Variants in DENND1A observed in about 807,000 individuals in gnomAD.
The protein encoded by DENND1A is DENN domain-containing protein 1A.
A neutral mutation model predicts 113.7 loss-of-function variants in DENND1A; 51 were observed. The ratio of observed to expected loss-of-function variants is 0.45; its 90% CI spans 0.36 to 0.57. The LOEUF (loss-of-function observed/expected upper bound fraction) is 0.57, where lower values mean the gene tolerates loss of function less well. Among genes scored for constraint, DENND1A ranks in the 20% least tolerant of loss-of-function variants. The probability of loss-of-function intolerance (pLI) is 0.00; values close to 1 mark genes in which losing one functional copy is unlikely to be tolerated. For missense variants in DENND1A, 1,258 were observed against 1,395.9 expected, an observed-to-expected ratio of 0.90 and a Z score of 1.57; for synonymous variants, 565 against 570.8, an observed-to-expected ratio of 0.99 and a Z score of 0.14.
At chr9:123,656,949 A>C (rs1325923450) in intron 8 of DENND1A, among the ~76,000 whole-genome samples, 2 of 152,202 alleles carry the variant, frequency 1.3e-5, no homozygotes, top group Non-Finnish European at 2.9e-5. Flanking sequence ...TCAGTTACAC[A>C]TACATTTATG....
In DENND1A at chr9:123,380,091, T is replaced by C. The variant is rs2042199752; in HGVS notation, c.*1341A>G. 6.6e-6 allele frequency: 1 copy of C among 152,170 alleles called. No homozygotes were observed. 9.4% of individuals were successfully genotyped at this position (152,170 alleles called of 1,614,324 possible). ...CATAGAGGGGGCTCCCTGGGTGACA[T>C]CTCCAGAGACCCCCTTGTCCCCCAG... On this transcript the variant is annotated 3_prime_UTR_variant, in exon 24 of 24. Transcript: ENST00000394215.
intron 19 of DENND1A, among the ~76,000 whole-genome samples, chr9:123,426,929 G>A (rs2045778797): frequency 6.6e-6 from 1 of 152,162 alleles, no homozygotes; most frequent in Non-Finnish European, 1.5e-5. Flanking sequence ...ACAGCCTGAA[G>A]AAGATGCACA....
intron 13 of DENND1A, among the ~76,000 whole-genome samples, chr9:123,505,314 T>C (rs1186087403): frequency 6.6e-6 from 1 of 152,262 alleles, no homozygotes; most frequent in Non-Finnish European, 1.5e-5. Context: ...ATAGTGGAGA[T>C]GTAAACAGAT....
At chr9:123,502,231 A>C (rs1281788076) in intron 13 of DENND1A, among the ~76,000 whole-genome samples, 2 of 152,026 alleles carry the variant, frequency 1.3e-5, no homozygotes, top group African/African-American at 2.4e-5. Context: ...AACCCTGACT[A>C]TAATACAGGC....
intron 1 of DENND1A, among the ~76,000 whole-genome samples, chr9:123,921,854 T>C (rs1856316005): frequency 6.6e-6 from 1 of 152,222 alleles, no homozygotes. Flanking sequence ...CTTTTGCCTC[T>C]TACGTGTAAT....
intron 3 of DENND1A, among the ~76,000 whole-genome samples, chr9:123,771,618 C>T (rs950712869): frequency 1.3e-5 from 2 of 152,150 alleles, no homozygotes; most frequent in Non-Finnish European, 2.9e-5. Context: ...AAAGGACCCC[C>T]TTGGCTACGA....
intron 19 of DENND1A, among the ~76,000 whole-genome samples, chr9:123,423,619 A>G (rs575206881): frequency 2.0e-5 from 3 of 152,054 alleles, no homozygotes; most frequent in Non-Finnish European, 4.4e-5. Context: ...CAGGCCCTCA[A>G]AGCTTTCCGT....
intron 9 of DENND1A, among the ~76,000 whole-genome samples, chr9:123,639,039 TAAAAAAAA>T (rs750972974): frequency 7.8e-4 from 25 of 32,106 alleles, no homozygotes; most frequent in Admixed American, 4.4e-3. Flanking sequence ...GCATGAGTAG[TAAAAAAAA>T]AAAAAAAAAA....
At chr9:123,789,840 G>A (rs1193492520) in intron 3 of DENND1A, among the ~76,000 whole-genome samples, 6 of 152,168 alleles carry the variant, frequency 3.9e-5, no homozygotes, top group South Asian at 4.1e-4. Flanking sequence ...TTCTTTTACT[G>A]TAAGGTACAA....
intron 13 of DENND1A, among the ~76,000 whole-genome samples, chr9:123,469,982 T>C (rs907842580): frequency 5.3e-5 from 8 of 152,192 alleles, no homozygotes; most frequent in Non-Finnish European, 1.2e-4. Context: ...AAGATTGTAT[T>C]TGACATATCA....
chr9:123,768,719 A>G (rs1354722574), intron 4 of DENND1A, among the ~76,000 whole-genome samples: 2 of 151,970 alleles, frequency 1.3e-5, no homozygotes, highest in Non-Finnish European at 2.9e-5. Flanking sequence ...ATTCAACTGT[A>G]ATGAAAAAGA....
chr9:123,589,594 T>C (rs538757529), intron 11 of DENND1A, among the ~76,000 whole-genome samples: 13 of 130,266 alleles, frequency 1.0e-4, no homozygotes, highest in African/African-American at 3.7e-4. Context: ...CCAAAGCTCC[T>C]GCCAGCTGCA....
chr9:123,499,655 C>T (rs981000285), intron 13 of DENND1A, among the ~76,000 whole-genome samples: 1 of 152,182 alleles, frequency 6.6e-6, no homozygotes. Context: ...TGCAATTTAC[C>T]GCCAAACCCA....
chr9:123,724,678 C>T (rs1020859599), intron 5 of DENND1A, among the ~76,000 whole-genome samples: 2 of 152,076 alleles, frequency 1.3e-5, no homozygotes, highest in Non-Finnish European at 2.9e-5. Flanking sequence ...GGCTGTGCCA[C>T]AGAAGCCAAA....
intron 5 of DENND1A, among the ~76,000 whole-genome samples, chr9:123,731,805 T>A (rs963649949): frequency 1.3e-5 from 2 of 152,186 alleles, no homozygotes; most frequent in African/African-American, 4.8e-5. Context: ...GCTGGGACAA[T>A]ATGTGATTTG....
At chr9:123,707,584 C>T (rs1306094748) in intron 5 of DENND1A, among the ~76,000 whole-genome samples, 1 of 152,060 alleles carries the variant, frequency 6.6e-6, no homozygotes, top group African/African-American at 2.4e-5. Context: ...AAAGAGAAGG[C>T]AGTGATTGTG....
intron 7 of DENND1A, among the ~76,000 whole-genome samples, chr9:123,667,841 T>C (rs1168326900): frequency 6.6e-6 from 1 of 151,984 alleles, no homozygotes; most frequent in East Asian, 1.9e-4. Flanking sequence ...AAGGCCTAAG[T>C]GATGTTAGGA....
Position 123,852,282 on chromosome 9 carries a change from G to C in DENND1A, c.88+26669C>G, listed in dbSNP as rs113834679. 3.1e-3 allele frequency among the ~76,000 whole-genome samples: 472 copies of C among 152,284 alleles called. 5 individuals carry two copies. The highest frequency in any genetic ancestry group is 1.6e-3 in the Non-Finnish European group (107 of 68,032). ...TAAGCCTGATTTAGTTCCGGAGATT[G>C]AGGGGTCTGAGCTGCTGATGTAAGG... On this transcript the variant is annotated intron_variant, in intron 2 of 23. Coordinates refer to ENST00000394215, the MANE Select transcript of DENND1A (RefSeq NM_001352964.2).
At chr9:123,617,105 A>T (rs895907141) in intron 10 of DENND1A, among the ~76,000 whole-genome samples, 2 of 152,206 alleles carry the variant, frequency 1.3e-5, no homozygotes, top group African/African-American at 4.8e-5. Context: ...TGAGAAGTAG[A>T]AAGTATGGGG....
Sources: gnomAD v4.1 joint callset for allele counts (sites outside exome capture counted in the v4.1 genomes callset) on GRCh38, gnomAD v4.1.1 for gene constraint, MANE v1.5 for transcripts, NCBI Gene and HGNC (gene_info 2026-07-23, HGNC 2026-07-21) for gene names.